Variants in SHC3 observed in about 807,000 individuals in gnomAD.
SHC3 encodes SHC-transforming protein 3.
SHC3 carries 15 observed loss-of-function variants against 60.4 expected under a neutral mutation model. That is an observed-to-expected ratio of 0.25 (90% CI 0.17 to 0.38). The LOEUF (loss-of-function observed/expected upper bound fraction) is 0.38. Ranked by LOEUF, SHC3 falls within the 10% of genes least tolerant of loss-of-function variation. The probability of loss-of-function intolerance (pLI) is 1.00; values close to 1 mark genes in which losing one functional copy is unlikely to be tolerated. For synonymous variants in SHC3, 294 were observed against 325.9 expected, an observed-to-expected ratio of 0.90 and a Z score of 1.05; for missense variants, 677 against 786.1, an observed-to-expected ratio of 0.86 and a Z score of 1.66.
At chr9:89,128,911 A>G (rs182874861) in intron 1 of SHC3, among the ~76,000 whole-genome samples, 1 of 152,276 alleles carries the variant, frequency 6.6e-6, no homozygotes, top group Non-Finnish European at 1.5e-5. Flanking sequence ...TGACTTAGAC[A>G]AGTTGAGAAA....
At chr9:89,059,141 G>A (rs1189724967) in intron 6 of SHC3, among the ~76,000 whole-genome samples, 3 of 146,386 alleles carry the variant, frequency 2.0e-5, no homozygotes, top group African/African-American at 7.6e-5. Context: ...GGTGGTGGAG[G>A]ATGTGGTGGA....
chr9:89,172,089 C>G (rs1268086619), intron 1 of SHC3, among the ~76,000 whole-genome samples: 1 of 152,242 alleles, frequency 6.6e-6, no homozygotes, highest in African/African-American at 2.4e-5. Context: ...CACCAACTCT[C>G]CTCACAAAGA....
chr9:89,123,742 T>A (rs1327166311), intron 1 of SHC3, among the ~76,000 whole-genome samples: 1 of 152,202 alleles, frequency 6.6e-6, no homozygotes, highest in East Asian at 1.9e-4. Flanking sequence ...TTATAAGAAT[T>A]CATGGATAAT....
chr9:89,083,048 C>T (rs892895380), intron 2 of SHC3, among the ~76,000 whole-genome samples: 1 of 152,192 alleles, frequency 6.6e-6, no homozygotes, highest in African/African-American at 2.4e-5. Flanking sequence ...GTGGTCCACC[C>T]AGCAGCTCTC....
rs182064816 is a variant in SHC3 at position 89,110,368 on chromosome 9, T to C, written c.545+2188A>G. The C allele has an allele frequency of 2.1e-5, 21 of 985,106 alleles. No homozygotes were observed. In the African/African-American group the frequency reaches 3.0e-4, roughly 14 times the overall value. The allele number at this position is 985,106 out of a possible 1,614,324, so 61.0% of individuals were successfully genotyped here. On this transcript the variant is annotated intron_variant, in intron 2 of 11. Transcript: ENST00000375835. ...TGGAAACCAGTTTTCCTGGTGCCTGTATAATATAACTTAATTAGGACATTA... is the reference window on the plus strand; with the variant it reads ...TGGAAACCAGTTTTCCTGGTGCCTGCATAATATAACTTAATTAGGACATTA...
intron 1 of SHC3, among the ~76,000 whole-genome samples, chr9:89,174,580 G>T (rs1826915941): frequency 2.0e-5 from 3 of 152,110 alleles, no homozygotes; most frequent in Admixed American, 2.0e-4. Context: ...CTTTTACATT[G>T]GGCCTCCTGA....
chr9:89,021,554 CAG>C (rs894053582), intron 11 of SHC3, among the ~76,000 whole-genome samples: 3 of 152,112 alleles, frequency 2.0e-5, no homozygotes, highest in Non-Finnish European at 4.4e-5. Context: ...AGAAGCAAAG[CAG>C]AGAGAGAGAA....
chr9:89,050,485 T>C (rs2039306), intron 7 of SHC3, among the ~76,000 whole-genome samples: 133,002 of 152,230 alleles, frequency 0.87, 58,339 homozygotes, highest in East Asian at 1. Flanking sequence ...GGGATTTCAC[T>C]CTGTTGGCCA....
At chr9:89,030,455 A>G (rs1216900302) in intron 11 of SHC3, among the ~76,000 whole-genome samples, 1 of 152,212 alleles carries the variant, frequency 6.6e-6, no homozygotes, top group Non-Finnish European at 1.5e-5. Flanking sequence ...GGTAAAATGG[A>G]CAAATTCCTA....
chr9:89,082,944 A>G lies in SHC3; in HGVS notation c.546-5041T>C, dbSNP rs1208330145. 3.3e-5 allele frequency among the ~76,000 whole-genome samples: 5 copies of G among 152,198 alleles called. No individual in the cohort carries two copies. In the East Asian group the frequency reaches 9.6e-4, roughly 29 times the overall value. The stretch of plus-strand genomic sequence containing the variant: ...ATTGTTAGCTCCGCTTCAGTGTCTT[A>G]AAATCATCACAAACTTGAAGTTTTC... On this transcript the variant is annotated intron_variant, in intron 2 of 11. Coordinates refer to ENST00000375835, the MANE Select transcript of SHC3 (RefSeq NM_016848.6).
intron 1 of SHC3, among the ~76,000 whole-genome samples, chr9:89,164,577 T>C (rs1826758890): frequency 6.6e-6 from 1 of 152,124 alleles, no homozygotes; most frequent in Admixed American, 6.5e-5. Flanking sequence ...GATTGAATTC[T>C]GTAAGCAAGG....
chr9:89,177,056 G>A (rs762772686), intron 1 of SHC3, among the ~76,000 whole-genome samples: 1 of 152,152 alleles, frequency 6.6e-6, no homozygotes, highest in East Asian at 1.9e-4. Flanking sequence ...GGAGTGGCAG[G>A]ATTGAAATAC....
At chr9:89,120,829 G>A (rs1826081474) in intron 1 of SHC3, among the ~76,000 whole-genome samples, 1 of 149,100 alleles carries the variant, frequency 6.7e-6, no homozygotes, top group South Asian at 2.2e-4. Flanking sequence ...AACTCCCAAA[G>A]ATACAATTCC....
intron 8 of SHC3, among the ~76,000 whole-genome samples, chr9:89,046,281 T>G (rs1022381506): frequency 7.9e-5 from 12 of 152,008 alleles, no homozygotes; most frequent in Non-Finnish European, 1.5e-4. Flanking sequence ...CAGTGTCAGA[T>G]CCCTGAGCTC....
At chr9:89,152,483 T>G (rs1826559263) in intron 1 of SHC3, among the ~76,000 whole-genome samples, 1 of 152,218 alleles carries the variant, frequency 6.6e-6, no homozygotes, top group Admixed American at 6.5e-5. Context: ...ACCATAGACA[T>G]CCTCAATATC....
At chr9:89,131,605 T>C (rs1230653542) in intron 1 of SHC3, among the ~76,000 whole-genome samples, 2 of 152,160 alleles carry the variant, frequency 1.3e-5, no homozygotes, top group Non-Finnish European at 2.9e-5. Flanking sequence ...TGGTACAACA[T>C]ACGCAAATCA....
rs78910786 is a variant in SHC3 at position 89,123,332 on chromosome 9, A to C, written c.475-10706T>G. The stretch of plus-strand genomic sequence containing the variant: ...AAAATTGGACCTCCATGGTGTGATC[A>C]GAATTGCTCACAGAGCAATCAACAG... On this transcript the variant is annotated intron_variant, in intron 1 of 11. Transcript: ENST00000375835. 2.2e-4 allele frequency among the ~76,000 whole-genome samples: 33 copies of C among 152,388 alleles called. No homozygotes were observed. The East Asian group carries it at 6.2e-3, about 28-fold the overall frequency.
chr9:89,075,534 A>T (rs1430872632), intron 3 of SHC3, among the ~76,000 whole-genome samples: 1 of 152,190 alleles, frequency 6.6e-6, no homozygotes, highest in Non-Finnish European at 1.5e-5. Flanking sequence ...TGTCTCATGG[A>T]GAAGTCCTCA....
intron 2 of SHC3, among the ~76,000 whole-genome samples, chr9:89,101,616 TA>T (rs767414292): frequency 1.6e-3 from 248 of 150,344 alleles, no homozygotes; most frequent in African/African-American, 2.1e-3. Flanking sequence ...TATATATATA[TA>T]TATTTTTTTT....
Sources: allele counts gnomAD v4.1 joint callset (sites outside exome capture counted in the v4.1 genomes callset), GRCh38; gene constraint gnomAD v4.1.1; transcripts MANE v1.5; gene names NCBI Gene and HGNC (gene_info 2026-07-23, HGNC 2026-07-21).